The following MAP3K4 variants were observed in gnomAD, a reference collection of about 807,000 sequenced individuals.
The protein encoded by MAP3K4 is MAP three kinase 1.
In MAP3K4, 67 loss-of-function variants were observed where a neutral mutation model predicts 185.6. That is an observed-to-expected ratio of 0.36 (90% CI 0.30 to 0.44). The LOEUF is 0.44. Among genes scored for constraint, MAP3K4 ranks in the 20% least tolerant of loss-of-function variants. The probability of loss-of-function intolerance (pLI) is 1.00; values close to 1 mark genes in which losing one functional copy is unlikely to be tolerated. For missense variants in MAP3K4, 1,551 were observed against 1,995.1 expected (o/e 0.78, Z 4.24); for synonymous variants, 702 against 710.4 (o/e 0.99, Z 0.19).
chr6:161,094,153 G>A (rs1048136987), intron 15 of MAP3K4, among the ~76,000 whole-genome samples: 1 of 152,052 alleles, frequency 6.6e-6, no homozygotes, highest in African/African-American at 2.4e-5. Context: ...CTTTTCTGAT[G>A]GGGAGGAAAG....
At position 161,080,800 on chromosome 6, in the gene MAP3K4, C is replaced by G; in HGVS notation, c.2098-81C>G. The G allele has an allele frequency of 2.3e-6, 3 of 1,316,860 alleles. No individual in the cohort carries two copies. The highest frequency in any genetic ancestry group is 3.2e-6 in the Non-Finnish European group (3 of 934,000). 81.6% of individuals were successfully genotyped at this position (1,316,860 alleles called of 1,614,324 possible). ...CCCGGCCCGCCCCCACTTTACCCTG[C>G]TGATGTGTAGCTTTCAGGTGAGAGC... On this transcript the variant is annotated intron_variant, in intron 5 of 26. Transcript: ENST00000392142. The surrounding 1 kb of genome is among the most constrained non-coding windows in gnomAD (Gnocchi z 4.8).
rs1783247076 is a variant in MAP3K4 at position 161,037,795 on chromosome 6, T to C, written c.343+3346T>C. 6.6e-6 allele frequency among the ~76,000 whole-genome samples: 1 copy of C among 152,320 alleles called. No individual in the cohort carries two copies. Among genetic ancestry groups the C allele is most frequent in the African/African-American group, 2.4e-5 (1 of 41,560 alleles). On this transcript the variant is annotated intron_variant, in intron 2 of 26. Coordinates refer to ENST00000392142, the MANE Select transcript of MAP3K4 (RefSeq NM_005922.4). This position sits in a 1 kb window ranked among gnomAD's most constrained non-coding sequence, Gnocchi z 4.2. ...CTTAAAGCAAAATTAAATAATTACA[T>C]TGTTGACATATCCTTATTAAATGGT... is the stretch of plus-strand genomic sequence containing the variant.
chr6:161,098,500 G>A lies in MAP3K4; in HGVS notation c.3674+73G>A. 6.6e-7 allele frequency: 1 copy of A among 1,504,850 alleles called. No individual in the cohort carries two copies. Among genetic ancestry groups the A allele is most frequent in the Admixed American group, 2.0e-5 (1 of 48,912 alleles). 93.2% of individuals were successfully genotyped at this position (1,504,850 alleles called of 1,614,324 possible). ...CGCTTACACAGCAACCATAGTGTTA[G>A]GGTGTGTGCCGGCTGTGGTTGGGCT... On this transcript the variant is annotated intron_variant, in intron 17 of 26. Coordinates refer to ENST00000392142, the MANE Select transcript of MAP3K4 (RefSeq NM_005922.4). The surrounding 1 kb of genome is among the most constrained non-coding windows in gnomAD (Gnocchi z 4.4).
Position 161,056,587 on chromosome 6 carries a change from G to T in MAP3K4, c.1707+6608G>T, listed in dbSNP as rs1207204573. Among the ~76,000 whole-genome samples, 2 of 152,142 alleles carry T rather than the reference G, an allele frequency of 1.3e-5. No homozygotes were observed. The highest frequency in any genetic ancestry group is 1.3e-4 in the Admixed American group (2 of 15,274). On this transcript the variant is annotated intron_variant, in intron 3 of 26. Transcript: ENST00000392142. This position sits in a 1 kb window ranked among gnomAD's most constrained non-coding sequence, Gnocchi z 5.4. ...CATTACTACAATTAATTACATGTTT[G>T]TTCAACCCTACCATACGTGTAAAGT...
At position 161,108,690 on chromosome 6, in the gene MAP3K4, A is replaced by T; in HGVS notation, c.4120-53A>T. The T allele has an allele frequency of 3.1e-6, 3 of 975,170 alleles. No individual in the cohort carries two copies. Among genetic ancestry groups the T allele is most frequent in the Non-Finnish European group, 5.0e-6 (3 of 596,988 alleles). 60.4% of individuals were successfully genotyped at this position (975,170 alleles called of 1,614,324 possible). A position where few individuals can be genotyped will look rare whatever the true frequency, so the allele number is the denominator to read the frequency against. Reference sequence around the variant, plus strand: ...AATGATGTTTCAGTGTATGTGTATAATGTAGAGTGATTAAATCAAGCCAGT... The same window carrying T: ...AATGATGTTTCAGTGTATGTGTATATTGTAGAGTGATTAAATCAAGCCAGT... On this transcript the variant is annotated intron_variant, in intron 21 of 26. Transcript: ENST00000392142. This position sits in a 1 kb window ranked among gnomAD's most constrained non-coding sequence, Gnocchi z 5.7.
In MAP3K4 at chr6:161,108,550, G is replaced by A. The variant is rs1317729587; in HGVS notation, c.4120-193G>A. ...AGGGCCTCTTCCTCCTCTGTGCCCG[G>A]GACCTACCCGCACTTCTATGACTTC... On this transcript the variant is annotated intron_variant, in intron 21 of 26. Transcript: ENST00000392142. The surrounding 1 kb of genome is among the most constrained non-coding windows in gnomAD (Gnocchi z 5.7). Among the ~76,000 whole-genome samples, 1 of 152,036 alleles carries A rather than the reference G, an allele frequency of 6.6e-6. No individual in the cohort carries two copies.
rs911861537 is a variant in MAP3K4 at position 161,049,843 on chromosome 6, C to T, written c.1571C>T (p.Ser524Phe). Residue 524 changes from serine (S) to phenylalanine (F), a missense_variant, in exon 3 of 27, where the codon TCT (serine) becomes TTT (phenylalanine). By Grantham distance (155) the Ser-to-Phe change is radical. Coordinates refer to ENST00000392142, the MANE Select transcript of MAP3K4 (RefSeq NM_005922.4). This position sits in a 1 kb window ranked among gnomAD's most constrained non-coding sequence, Gnocchi z 8.4. ...GGCTTTAGTAGACATTGTCTGACTTCTATTTATAGACCATTTGTAGACAAA... is the reference window on the plus strand; with the variant it reads ...GGCTTTAGTAGACATTGTCTGACTTTTATTTATAGACCATTTGTAGACAAA... Reference protein sequence around the residue: ...EAGFSRHCLTSIYRPFVDKAL... With the variant: ...EAGFSRHCLTFIYRPFVDKAL... 9.9e-6 allele frequency: 16 copies of T among 1,613,986 alleles called. No homozygotes were observed. Among genetic ancestry groups the T allele is most frequent in the Non-Finnish European group, 1.3e-5 (15 of 1,180,016 alleles).
rs762098039 is a variant in MAP3K4, at chr6:161,086,338, T to C, written c.2373-41T>C. 8.5e-7 allele frequency: 1 copy of C among 1,176,914 alleles called. No homozygotes were observed. Among genetic ancestry groups the C allele is most frequent in the Admixed American group, 2.0e-5 (1 of 49,488 alleles). The allele number at this position is 1,176,914 out of a possible 1,614,324, so 72.9% of individuals were successfully genotyped here. On this transcript the variant is annotated intron_variant, in intron 7 of 26. Transcript: ENST00000392142. This position sits in a 1 kb window ranked among gnomAD's most constrained non-coding sequence, Gnocchi z 4.8. ...AAATCCCTCTTGCACCTCTGGAATA[T>C]TCCCTAATGTGTTCTAACTGGACTT...
At position 161,100,385 on chromosome 6, in the gene MAP3K4, C is replaced by T. The variant is rs1445758841; in HGVS notation, c.3675-1507C>T. Among the ~76,000 whole-genome samples, 1 of 152,228 alleles carries T rather than the reference C, an allele frequency of 6.6e-6. No individual in the cohort carries two copies. The highest frequency in any genetic ancestry group is 1.5e-5 in the Non-Finnish European group (1 of 68,044). On this transcript the variant is annotated intron_variant, in intron 17 of 26. Transcript: ENST00000392142. This position sits in a 1 kb window ranked among gnomAD's most constrained non-coding sequence, Gnocchi z 5.8. ...TACATCAAAGTTCAACTTCACTTGACCCTAGAGGTTTCAATAAGTATTTTT... is the reference window on the plus strand; with the variant it reads ...TACATCAAAGTTCAACTTCACTTGATCCTAGAGGTTTCAATAAGTATTTTT...
At position 161,001,784 on chromosome 6, in the gene MAP3K4, G is replaced by A. The variant is rs149990371; in HGVS notation, c.152+9701G>A. The stretch of plus-strand genomic sequence containing the variant: ...CTCAGTCTGTTTCCGCATTTGAAAG[G>A]CAAAAATAATAACATCTTCCTAGGT... On this transcript the variant is annotated intron_variant, in intron 1 of 26. Coordinates refer to ENST00000392142, the MANE Select transcript of MAP3K4 (RefSeq NM_005922.4). Among the ~76,000 whole-genome samples, 423 of 152,246 alleles carry A rather than the reference G, an allele frequency of 2.8e-3. 1 individual carries two copies. The highest frequency in any genetic ancestry group is 4.8e-3 in the Non-Finnish European group (326 of 68,012).
chr6:161,021,528 CCTT>C (rs769112285), intron 1 of MAP3K4, among the ~76,000 whole-genome samples: 14 of 152,238 alleles, frequency 9.2e-5, no homozygotes, highest in African/African-American at 2.7e-4. Context: ...TTGAAATGCT[CCTT>C]CTTCAGAGAA....
rs1017230156 is a variant in MAP3K4, at chr6:161,097,757, G to T, written c.3525-521G>T. Among the ~76,000 whole-genome samples the T allele has an allele frequency of 1.0e-4, 15 of 149,302 alleles. No homozygotes were observed. Among genetic ancestry groups the T allele is most frequent in the Non-Finnish European group, 2.1e-4 (14 of 67,626 alleles). On this transcript the variant is annotated intron_variant, in intron 16 of 26. Coordinates refer to ENST00000392142, the MANE Select transcript of MAP3K4 (RefSeq NM_005922.4). The surrounding 1 kb of genome is among the most constrained non-coding windows in gnomAD (Gnocchi z 4.9). ...AGTTTAATTTTATTTGACAATATTT[G>T]CTAGATAAGGACCACAGTTTTTTGT...
At chr6:161,065,108 A>G (rs565802763) in intron 3 of MAP3K4, among the ~76,000 whole-genome samples, 31 of 152,274 alleles carry the variant, frequency 2.0e-4, no homozygotes, top group Admixed American at 1.1e-3. Flanking sequence ...GGTGGTCACT[A>G]GGAGGAAGTT....
At chr6:161,020,171 T>C (rs1412244169) in intron 1 of MAP3K4, among the ~76,000 whole-genome samples, 1 of 152,220 alleles carries the variant, frequency 6.6e-6, no homozygotes, top group African/African-American at 2.4e-5. Context: ...AAAGAGAAAC[T>C]TGCTAAATGT....
Position 161,061,826 on chromosome 6 carries a change from A to T in MAP3K4, c.1708-8782A>T, listed in dbSNP as rs1398485648. On this transcript the variant is annotated intron_variant, in intron 3 of 26. Coordinates refer to ENST00000392142, the MANE Select transcript of MAP3K4 (RefSeq NM_005922.4). The surrounding 1 kb of genome is among the most constrained non-coding windows in gnomAD (Gnocchi z 4.2). ...TTATGACTGAATAATATTCCATTGT[A>T]TGGCTATACCACGTTTTGTTGATCT... is the stretch of plus-strand genomic sequence containing the variant. Among the ~76,000 whole-genome samples the T allele has an allele frequency of 6.6e-6, 1 of 152,180 alleles. No homozygotes were observed. Among genetic ancestry groups the T allele is most frequent in the African/African-American group, 2.4e-5 (1 of 41,428 alleles).
chr6:161,032,114 G>A (rs1782958299), intron 1 of MAP3K4, among the ~76,000 whole-genome samples: 1 of 152,188 alleles, frequency 6.6e-6, no homozygotes, highest in Admixed American at 6.5e-5. Flanking sequence ...AGATTCAAAA[G>A]TAATAAAATA....
intron 1 of MAP3K4, among the ~76,000 whole-genome samples, chr6:161,004,375 G>A (rs537515561): frequency 6.6e-6 from 1 of 152,282 alleles, no homozygotes; most frequent in African/African-American, 2.4e-5. Context: ...AGCAGAGTCT[G>A]AAATATTTAC....
intron 1 of MAP3K4, among the ~76,000 whole-genome samples, chr6:161,002,537 T>C (rs886066306): frequency 6.6e-6 from 1 of 150,734 alleles, no homozygotes; most frequent in African/African-American, 2.4e-5. Flanking sequence ...CTATGAATCA[T>C]ATAAAGAAGA....
chr6:161,028,865 A>G (rs1782792908), intron 1 of MAP3K4, among the ~76,000 whole-genome samples: 1 of 152,206 alleles, frequency 6.6e-6, no homozygotes, highest in Non-Finnish European at 1.5e-5. Context: ...GTTCAGCTGT[A>G]GATTGATGAT....
Sources: gnomAD v4.1 joint callset for allele counts (sites outside exome capture counted in the v4.1 genomes callset) on GRCh38, gnomAD v4.1.1 for gene constraint, Gnocchi (gnomAD v3.1) non-coding constraint, MANE v1.5 for transcripts, NCBI Gene and HGNC (gene_info 2026-07-23, HGNC 2026-07-21) for gene names.